Variants in PHACTR3 observed in about 807,000 individuals in gnomAD.
PHACTR3 encodes the protein protein phosphatase 1, regulatory subunit 123.
In PHACTR3, 16 loss-of-function variants were observed where a neutral mutation model predicts 66.8. The observed-to-expected ratio is 0.24, with a 90% CI of 0.16 to 0.36. PHACTR3 has a LOEUF of 0.36. PHACTR3 is among the 10% of genes least tolerant of loss of function. The pLI, the probability that PHACTR3 is intolerant of heterozygous loss-of-function variation, is 1.00. For synonymous variants in PHACTR3, 323 were observed against 292.1 expected (o/e 1.11, Z -1.08); for missense variants, 647 against 719.9 (o/e 0.90, Z 1.16).
At chr20:59,718,619 T>C (rs780885248) in intron 1 of PHACTR3, among the ~76,000 whole-genome samples, 3 of 152,234 alleles carry the variant, frequency 2.0e-5, no homozygotes, top group Admixed American at 1.3e-4. Flanking sequence ...TTGTTTATAT[T>C]TCATTATGGA....
chr20:59,836,195 T>A, intron 8 of PHACTR3: 3 of 269,782 alleles, frequency 1.1e-5, no homozygotes, highest in Admixed American at 5.6e-5. Flanking sequence ...TTAAACACAC[T>A]GCTCCGGTGA....
chr20:59,841,560 G>A (rs765148283), intron 11 of PHACTR3, 25 bp downstream of exon 11: 1 of 1,605,132 alleles, frequency 6.2e-7, no homozygotes, highest in Non-Finnish European at 8.5e-7. Flanking sequence ...GTGCTGGTGG[G>A]GGGTGTTGGA....
rs2039049682 is a variant in PHACTR3 at position 59,738,932 on chromosome 20, G to T, written c.119-4175G>T. 6.6e-6 allele frequency among the ~76,000 whole-genome samples: 1 copy of T among 152,130 alleles called. No individual in the cohort carries two copies. The highest frequency in any genetic ancestry group is 2.4e-5 in the African/African-American group (1 of 41,452). On this transcript the variant is annotated intron_variant, in intron 1 of 12. Coordinates refer to ENST00000371015, the MANE Select transcript of PHACTR3 (RefSeq NM_080672.5). The surrounding 1 kb of genome is among the most constrained non-coding windows in gnomAD (Gnocchi z 4.4). ...GTGCAAAGCATGCTCAGGACAGCAG[G>T]CTTTCCCAGGGCCATGTGGAGTCAC... is the stretch of plus-strand genomic sequence containing the variant.
intron 1 of PHACTR3, among the ~76,000 whole-genome samples, chr20:59,657,043 T>A (rs1454153597): frequency 6.6e-6 from 1 of 152,054 alleles, no homozygotes; most frequent in East Asian, 1.9e-4. Context: ...TCAAGGAAGC[T>A]GAGAAAATAA....
In PHACTR3 at chr20:59,691,576, A is replaced by G. The variant is rs1320682022; in HGVS notation, c.119-51531A>G. ...TATCACTATATTATATGTTTTAATAACAGAAGTCCCTTTCCCTCATACCTT... is the reference window on the plus strand; with the variant it reads ...TATCACTATATTATATGTTTTAATAGCAGAAGTCCCTTTCCCTCATACCTT... On this transcript the variant is annotated intron_variant, in intron 1 of 12. Coordinates refer to ENST00000371015, the MANE Select transcript of PHACTR3 (RefSeq NM_080672.5). Among the ~76,000 whole-genome samples the G allele has an allele frequency of 2.0e-5, 3 of 152,172 alleles. No homozygotes were observed. The East Asian group carries it at 5.8e-4, about 29-fold the overall frequency.
At chr20:59,823,002 T>A (rs2042093635) in intron 8 of PHACTR3, among the ~76,000 whole-genome samples, 1 of 152,066 alleles carries the variant, frequency 6.6e-6, no homozygotes, top group African/African-American at 2.4e-5. Flanking sequence ...ATGCTCAGCG[T>A]CCAAGGAGGA....
chr20:59,792,014 T>C (rs373792570), intron 7 of PHACTR3, among the ~76,000 whole-genome samples: 6 of 152,136 alleles, frequency 3.9e-5, no homozygotes, highest in African/African-American at 1.2e-4. Context: ...CTGCCTCCTC[T>C]TCTTTGTCCC....
intron 1 of PHACTR3, among the ~76,000 whole-genome samples, chr20:59,610,867 G>A (rs570905991): frequency 2.0e-5 from 3 of 152,330 alleles, no homozygotes; most frequent in East Asian, 1.9e-4. Context: ...GCTCTCCTGC[G>A]GGAAGGGACC....
chr20:59,683,063 G>T (rs2036724324), intron 1 of PHACTR3, among the ~76,000 whole-genome samples: 1 of 152,254 alleles, frequency 6.6e-6, no homozygotes, highest in Admixed American at 6.5e-5. Flanking sequence ...CCACAGTGAG[G>T]TTGTGGACGT....
At chr20:59,692,239 GC>G (rs1409128840) in intron 1 of PHACTR3, among the ~76,000 whole-genome samples, 1 of 152,188 alleles carries the variant, frequency 6.6e-6, no homozygotes, top group Non-Finnish European at 1.5e-5. Flanking sequence ...AAGAACAAAA[GC>G]CCTACAAGCC....
intron 4 of PHACTR3, among the ~76,000 whole-genome samples, chr20:59,756,143 G>T (rs538293586): frequency 1.1e-4 from 17 of 152,122 alleles, no homozygotes; most frequent in Non-Finnish European, 1.9e-4. Context: ...TAGAGGGGAG[G>T]AAAGCAGGAA....
At chr20:59,725,210 G>C (rs2077389) in intron 1 of PHACTR3, among the ~76,000 whole-genome samples, 48,402 of 147,308 alleles carry the variant, frequency 0.33, 8,195 homozygotes, top group African/African-American at 0.47. Flanking sequence ...GCTCAGTGAG[G>C]TTGTGAGCCC....
At chr20:59,840,455 AAT>A in intron 10 of PHACTR3, 25 bp downstream of exon 10, 4 of 1,612,104 alleles carry the variant, frequency 2.5e-6, no homozygotes, top group Non-Finnish European at 3.4e-6. Flanking sequence ...TTATTGCCTG[AAT>A]AATAAAAGGT....
At chr20:59,722,852 AC>A (rs1435906690) in intron 1 of PHACTR3, among the ~76,000 whole-genome samples, 4 of 151,878 alleles carry the variant, frequency 2.6e-5, no homozygotes, top group Non-Finnish European at 5.9e-5. Context: ...GGTGGTGAGC[AC>A]CGCAGCTTGT....
In PHACTR3 at chr20:59,627,974, G is replaced by GTCCATCCA. The variant is rs201025271; in HGVS notation, c.118+22853_118+22860dup. 2.0e-5 allele frequency: 3 copies of GTCCATCCA among 151,778 alleles called. No individual in the cohort carries two copies. In the South Asian group the frequency reaches 6.3e-4, roughly 32 times the overall value. The allele number at this position is 151,778 out of a possible 1,614,324, so 9.4% of individuals were successfully genotyped here. A position where few individuals can be genotyped will look rare whatever the true frequency, so the allele number is the denominator to read the frequency against. On this transcript the variant is annotated intron_variant, in intron 1 of 12. Transcript: ENST00000371015. ...CTGTGTATCTATCGTCTCTCTCTCTGTCCATCCATCCATCCATCTATCCAG... is the reference window on the plus strand; with the variant it reads ...CTGTGTATCTATCGTCTCTCTCTCTGTCCATCCATCCATCCATCCATCCATCTATCCAG...
intron 8 of PHACTR3, among the ~76,000 whole-genome samples, chr20:59,815,724 G>C (rs546739738): frequency 1.3e-5 from 2 of 152,216 alleles, no homozygotes; most frequent in South Asian, 4.2e-4. Flanking sequence ...CGCCTGGCTT[G>C]GGTTTCCTGT....
At chr20:59,795,227 A>C (rs2041217851) in intron 7 of PHACTR3, among the ~76,000 whole-genome samples, 1 of 151,788 alleles carries the variant, frequency 6.6e-6, no homozygotes, top group African/African-American at 2.4e-5. Context: ...TTTCCCTTTT[A>C]ATTTTGTTGT....
At chr20:59,703,050 C>A (rs1263259535) in intron 1 of PHACTR3, among the ~76,000 whole-genome samples, 1 of 152,216 alleles carries the variant, frequency 6.6e-6, no homozygotes, top group African/African-American at 2.4e-5. Flanking sequence ...TTCATCTATT[C>A]TAGCCTTTGA....
At chr20:59,802,239 A>G (rs2041434219) in intron 7 of PHACTR3, among the ~76,000 whole-genome samples, 1 of 152,180 alleles carries the variant, frequency 6.6e-6, no homozygotes, top group African/African-American at 2.4e-5. Context: ...AGCCAGTAGC[A>G]GTTGGTTCTT....
Sources: gnomAD v4.1 joint callset for allele counts (sites outside exome capture counted in the v4.1 genomes callset) on GRCh38, gnomAD v4.1.1 for gene constraint, Gnocchi (gnomAD v3.1) non-coding constraint, MANE v1.5 for transcripts, NCBI Gene and HGNC (gene_info 2026-07-23, HGNC 2026-07-21) for gene names.